Variants in PLA2G12A observed in about 807,000 individuals in gnomAD.
PLA2G12A encodes phospholipase A2 group XIIA.
PLA2G12A carries 11 observed loss-of-function variants against 16.0 expected under a neutral mutation model. The observed-to-expected ratio is 0.69, with a 90% confidence interval of 0.43 to 1.13. The LOEUF (loss-of-function observed/expected upper bound fraction) is 1.13, where lower values mean the gene tolerates loss of function less well. Among genes scored for constraint, PLA2G12A ranks in the 50% most tolerant of loss-of-function variants. PLA2G12A has a pLI of 0.00. For synonymous variants in PLA2G12A, 77 were observed against 93.8 expected (o/e 0.82, Z 1.03); for missense variants, 214 against 237.3 (o/e 0.90, Z 0.65).
chr4:109,725,659 A>G (rs1561273613), intron 1 of PLA2G12A, among the ~76,000 whole-genome samples: 1 of 152,352 alleles, frequency 6.6e-6, no homozygotes, highest in East Asian at 1.9e-4. Context: ...TTGATTGTTT[A>G]TCATTTGTAT....
Position 109,714,229 on chromosome 4 carries a change from G to T in PLA2G12A, c.*148C>A. The T allele has an allele frequency of 1.5e-6, 1 of 686,834 alleles. No homozygotes were observed. Among genetic ancestry groups the T allele is most frequent in the Non-Finnish European group, 2.5e-6 (1 of 394,464 alleles). The allele number at this position is 686,834 out of a possible 1,614,324, so 42.5% of individuals were successfully genotyped here. On this transcript the variant is annotated 3_prime_UTR_variant, in exon 4 of 4. Coordinates refer to ENST00000243501, the MANE Select transcript of PLA2G12A (RefSeq NM_030821.5). Reference sequence around the variant, plus strand: ...CTATCTCCCTCACTTTTTTTGCTTTGAGGTTTTAACATCAAGATATAAATT... The same window carrying T: ...CTATCTCCCTCACTTTTTTTGCTTTTAGGTTTTAACATCAAGATATAAATT...
chr4:109,722,464 T>C (rs1348960429), intron 1 of PLA2G12A, among the ~76,000 whole-genome samples: 1 of 152,214 alleles, frequency 6.6e-6, no homozygotes, highest in Non-Finnish European at 1.5e-5. Flanking sequence ...CTCTCATGAA[T>C]GGAATTTGTG....
At chr4:109,714,559 C>T (rs1370387030) in intron 3 of PLA2G12A, 64 bp from the exon 4 acceptor site, 15 of 1,022,616 alleles carry the variant, frequency 1.5e-5, no homozygotes, top group Non-Finnish European at 2.2e-5. Context: ...CTATGTTACA[C>T]ATTACAGCAC....
Position 109,717,628 on chromosome 4 carries a change from C to T in PLA2G12A, c.371G>A (p.Cys124Tyr), listed in dbSNP as rs1314595565. The T allele has an allele frequency of 6.2e-7, 1 of 1,613,684 alleles. No homozygotes were observed. Among genetic ancestry groups the T allele is most frequent in the East Asian group, 2.2e-5 (1 of 44,894 alleles). ...GAGGCAATACTGGAATTCTTCATCA[C>T]AGTCATTCTTGCTTTTGCCACAGGT... ...YETCGKSKND[C>Y]DEEFQYCLSK... The change falls in exon 3 of 4, where the codon TGT (cysteine) becomes TAT (tyrosine). Residue 124 changes from cysteine to tyrosine, a missense_variant. Physicochemically the swap from Cys to Tyr is radical, Grantham distance 194. Coordinates refer to ENST00000243501, the MANE Select transcript of PLA2G12A (RefSeq NM_030821.5).
rs192093469 is a variant in PLA2G12A, at chr4:109,712,759, G to A, written c.*1618C>T. 19 of 152,298 alleles carry A rather than the reference G, an allele frequency of 1.2e-4. No homozygotes were observed. The highest frequency in any genetic ancestry group is 2.5e-4 in the Non-Finnish European group (17 of 68,052). 9.4% of individuals were successfully genotyped at this position (152,298 alleles called of 1,614,324 possible). ...GATCCAACCGCCTCAGCCTCCCAAA[G>A]TGCTGGGATTATAGGTGTGAGCCAC... On this transcript the variant is annotated 3_prime_UTR_variant, in exon 4 of 4. Coordinates refer to ENST00000243501, the MANE Select transcript of PLA2G12A (RefSeq NM_030821.5).
intron 3 of PLA2G12A, among the ~76,000 whole-genome samples, chr4:109,714,731 A>AT (rs369832658): frequency 0.023 from 2,994 of 130,142 alleles, 76 homozygotes; most frequent in East Asian, 0.07. Context: ...GTTTAACCCA[A>AT]TTTTTTTTTT....
At chr4:109,720,885 A>C (rs1730927959) in intron 1 of PLA2G12A, among the ~76,000 whole-genome samples, 1 of 151,810 alleles carries the variant, frequency 6.6e-6, no homozygotes, top group African/African-American at 2.4e-5. Flanking sequence ...CCTGACCAAC[A>C]TGGCGAAACC....
rs146836791 is a variant in PLA2G12A at position 109,722,770 on chromosome 4, T to A, written c.209-4011A>T. On this transcript the variant is annotated intron_variant, in intron 1 of 3. Coordinates refer to ENST00000243501, the MANE Select transcript of PLA2G12A (RefSeq NM_030821.5). Reference sequence around the variant, plus strand: ...GCACATATGACCTTCTAACATACTATATCACTAATCTACCTATTTTATTAT... The same window carrying A: ...GCACATATGACCTTCTAACATACTAAATCACTAATCTACCTATTTTATTAT... Among the ~76,000 whole-genome samples, 627 of 152,364 alleles carry A rather than the reference T, an allele frequency of 4.1e-3. 6 individuals carry two copies. Among genetic ancestry groups the A allele is most frequent in the African/African-American group, 0.014 (584 of 41,584 alleles).
In PLA2G12A at chr4:109,729,726, G is replaced by A; in HGVS notation, c.84C>T (p.Thr28=). The change falls in exon 1 of 4, where the codon ACC becomes ACT. Residue 28 remains threonine, a synonymous_variant. Coordinates refer to ENST00000243501, the MANE Select transcript of PLA2G12A (RefSeq NM_030821.5). The stretch of plus-strand genomic sequence containing the variant: ...TCTTCAGGGTGGCTCTCCAGTCGGT[G>A]GTCTGGGCCTGCTCCTGGCACCTGA... ...AVVRCQEQAQ[T]TDWRATLKTI... is the part of the protein sequence containing the mutation. 2 of 1,604,682 alleles carry A rather than the reference G, an allele frequency of 1.2e-6. No individual in the cohort carries two copies. The highest frequency in any genetic ancestry group is 3.4e-5 in the Admixed American group (2 of 58,928).
At position 109,714,413 on chromosome 4, in the gene PLA2G12A, T is replaced by C; in HGVS notation, c.534A>G (p.Ala178=). The change falls in exon 4 of 4, where the codon GCA becomes GCG. Residue 178 remains alanine, a synonymous_variant. Transcript: ENST00000243501. The part of the protein sequence containing the change: ...CKPYLDSQRA[A]CRCHYEEKTD... ...TTTTTTCTTCATAATGACACCTGCA[T>C]GCGGCTCGTTGGCTGTCCAGATATG... 1 of 1,613,994 alleles carries C rather than the reference T, an allele frequency of 6.2e-7. No individual in the cohort carries two copies. Among genetic ancestry groups the C allele is most frequent in the Non-Finnish European group, 8.5e-7 (1 of 1,179,836 alleles).
intron 2 of PLA2G12A, 34 bp downstream of exon 2, chr4:109,718,649 T>C: frequency 4.1e-6 from 6 of 1,467,722 alleles, no homozygotes; most frequent in Non-Finnish European, 5.7e-6. Context: ...GATTTACCAG[T>C]TACAAAACTT....
intron 1 of PLA2G12A, among the ~76,000 whole-genome samples, chr4:109,719,723 G>A (rs1730888951): frequency 2.0e-5 from 3 of 152,136 alleles, no homozygotes; most frequent in Non-Finnish European, 4.4e-5. Context: ...CTATGCTGTA[G>A]TCTATTAAGT....
chr4:109,718,632 A>G, intron 2 of PLA2G12A, 51 bp downstream of exon 2: 1 of 1,350,470 alleles, frequency 7.4e-7, no homozygotes, highest in Non-Finnish European at 1.0e-6. Flanking sequence ...CACCAAAAGT[A>G]TTACATGATT....
In PLA2G12A at chr4:109,729,637, C is replaced by T. The variant is rs558404370; in HGVS notation, c.173G>A (p.Gly58Asp). The change falls in exon 1 of 4, where the codon GGC becomes GAC. Residue 58 changes from glycine to aspartate, a missense_variant. By Grantham distance (94) the Gly-to-Asp change is moderately conservative. Transcript: ENST00000243501. ...TTTATACTGGCAGAGACCGTCCTCG[C>T]CTCCCAGGAGGTCCAAGGCGGCGTT... Reference protein sequence around the residue: ...YLNAALDLLGGEDGLCQYKCS... With the variant: ...YLNAALDLLGDEDGLCQYKCS... The T allele has an allele frequency of 1.6e-5, 26 of 1,611,994 alleles. No homozygotes were observed. In the East Asian group the frequency reaches 5.3e-4, roughly 33 times the overall value.
chr4:109,729,585 C>T lies in PLA2G12A; in HGVS notation c.208+17G>A. 2.5e-6 allele frequency: 4 copies of T among 1,601,560 alleles called. No individual in the cohort carries two copies. The highest frequency in any genetic ancestry group is 3.4e-6 in the Non-Finnish European group (4 of 1,171,850). ...CCCGAAAGCACGAGCCCTCGCTGGG[C>T]CCGGGTGCCCCCTCACCGTCACTGC... On this transcript the variant is annotated intron_variant, in intron 1 of 3. Coordinates refer to ENST00000243501, the MANE Select transcript of PLA2G12A (RefSeq NM_030821.5).
rs1730690789 is a variant in PLA2G12A, at chr4:109,709,998, A to C, written c.*4379T>G. ...AAGATGACACTAGTGATCCCTTTAC[A>C]GTTTTATTAATAATTATTATTTTTC... On this transcript the variant is annotated 3_prime_UTR_variant, in exon 4 of 4. Transcript: ENST00000243501. 6.6e-6 allele frequency: 1 copy of C among 152,170 alleles called. No individual in the cohort carries two copies. 9.4% of individuals were successfully genotyped at this position (152,170 alleles called of 1,614,324 possible).
chr4:109,715,357 T>A (rs1187327639), intron 3 of PLA2G12A, among the ~76,000 whole-genome samples: 2 of 152,196 alleles, frequency 1.3e-5, no homozygotes, highest in African/African-American at 2.4e-5. Context: ...AGGCTTAAAG[T>A]AAACGGAATC....
chr4:109,723,545 A>G (rs1722855918), intron 1 of PLA2G12A, among the ~76,000 whole-genome samples: 1 of 152,226 alleles, frequency 6.6e-6, no homozygotes, highest in Non-Finnish European at 1.5e-5. Context: ...ATGAGAAACT[A>G]TACATTTATC....
chr4:109,722,370 C>A (rs1035229405), intron 1 of PLA2G12A, among the ~76,000 whole-genome samples: 1 of 152,180 alleles, frequency 6.6e-6, no homozygotes, highest in Admixed American at 6.5e-5. Flanking sequence ...TGCATCACCC[C>A]AAAATTCATG....
Sources: allele counts gnomAD v4.1 joint callset (sites outside exome capture counted in the v4.1 genomes callset), GRCh38; gene constraint gnomAD v4.1.1; transcripts MANE v1.5; gene names NCBI Gene and HGNC (gene_info 2026-07-23, HGNC 2026-07-21).